Variants in EIF4B observed in about 807,000 individuals in gnomAD.
The protein encoded by EIF4B is eukaryotic translation initiation factor 4B.
A neutral mutation model predicts 79.3 loss-of-function variants in EIF4B; 8 were observed. The ratio of observed to expected loss-of-function variants is 0.10; its 90% CI spans 0.06 to 0.18. The LOEUF (loss-of-function observed/expected upper bound fraction) is 0.18. Ranked by LOEUF, EIF4B falls within the 10% of genes least tolerant of loss-of-function variation. The pLI is 1.00. For synonymous variants in EIF4B, 238 were observed against 274.7 expected, an observed-to-expected ratio of 0.87 and a Z score of 1.32; for missense variants, 515 against 792.4, an observed-to-expected ratio of 0.65 and a Z score of 4.20.
intron 6 of EIF4B, among the ~76,000 whole-genome samples, chr12:53,026,448 A>G (rs771591911): frequency 4.1e-4 from 63 of 152,250 alleles, no homozygotes; most frequent in Non-Finnish European, 1.8e-4. Context: ...CAACATTGCA[A>G]TGAATGTCTT....
intron 1 of EIF4B, among the ~76,000 whole-genome samples, chr12:53,007,057 C>T (rs1291275548): frequency 6.6e-6 from 1 of 152,180 alleles, no homozygotes; most frequent in Admixed American, 6.5e-5. Flanking sequence ...ACGGGCGCGC[C>T]TTCAATGCGT....
chr12:53,020,164 C>T (rs1259606568), intron 4 of EIF4B, 138 bp downstream of exon 4: 2 of 645,140 alleles, frequency 3.1e-6, no homozygotes, highest in Non-Finnish European at 5.1e-6. Context: ...CATTATTTAA[C>T]AGTGTATCAC....
intron 8 of EIF4B, among the ~76,000 whole-genome samples, chr12:53,028,711 G>A (rs1943382667): frequency 6.6e-6 from 1 of 152,130 alleles, no homozygotes; most frequent in African/African-American, 2.4e-5. Flanking sequence ...ATACTGTTAT[G>A]TTGTGATCTC....
chr12:53,007,314 A>G (rs888635495), intron 1 of EIF4B, among the ~76,000 whole-genome samples: 2 of 151,682 alleles, frequency 1.3e-5, no homozygotes, highest in Non-Finnish European at 2.9e-5. Flanking sequence ...TCTCATACTC[A>G]ATTGGAGGCA....
At chr12:53,033,729 A>G (rs1943488543) in intron 8 of EIF4B, 77 bp from the exon 9 acceptor site, 1 of 1,438,008 alleles carries the variant, frequency 7.0e-7, no homozygotes, top group Admixed American at 2.4e-5. Context: ...CATAGGAGTT[A>G]TATCTGAGAA....
At chr12:53,017,305 A>G (rs1943164459) in intron 2 of EIF4B, among the ~76,000 whole-genome samples, 1 of 152,180 alleles carries the variant, frequency 6.6e-6, no homozygotes. Context: ...ATGTTTACTC[A>G]GAGCCAAGGA....
chr12:53,018,701 C>T (rs1235913254), intron 2 of EIF4B, 97 bp from the exon 3 acceptor site: 47 of 1,406,736 alleles, frequency 3.3e-5, no homozygotes, highest in Non-Finnish European at 4.3e-5. Context: ...TCTTGTATAG[C>T]ATGTTTAATA....
Position 53,027,137 on chromosome 12 carries a change from A to AATTTTTTTTT in EIF4B, c.668-645_668-644insATTTTTTTTT, listed in dbSNP as rs1491387300. Among the ~76,000 whole-genome samples the AATTTTTTTTT allele has an allele frequency of 3.0e-3, 76 of 25,758 alleles. 5 individuals are homozygous for AATTTTTTTTT. The East Asian group carries it at 0.056, about 19-fold the overall frequency. 16.9% of individuals were successfully genotyped at this position (25,758 alleles called of 152,430 possible). A position where few individuals can be genotyped will look rare whatever the true frequency, so the allele number is the denominator to read the frequency against. On this transcript the variant is annotated intron_variant, in intron 6 of 14. Coordinates refer to ENST00000262056, the MANE Select transcript of EIF4B (RefSeq NM_001417.7). ...AGACTGTCTCTCAAAAAAAAAAAAA[A>AATTTTTTTTT]TTTTTTTTTTTTTTTTTTTTGAGAC...
At chr12:53,035,795 A>G (rs1002225934) in intron 10 of EIF4B, among the ~76,000 whole-genome samples, 12 of 151,940 alleles carry the variant, frequency 7.9e-5, no homozygotes, top group African/African-American at 2.7e-4. Context: ...TCCCACCTCT[A>G]AATTGATTTG....
chr12:53,012,766 C>T (rs574873918), intron 1 of EIF4B, among the ~76,000 whole-genome samples: 5 of 151,712 alleles, frequency 3.3e-5, no homozygotes, highest in African/African-American at 7.2e-5. Flanking sequence ...CCACCATGCC[C>T]GGCTAATTTT....
At chr12:53,028,369 A>G (rs888820512) in intron 8 of EIF4B, among the ~76,000 whole-genome samples, 181 bp downstream of exon 8, 3 of 152,118 alleles carry the variant, frequency 2.0e-5, no homozygotes, top group African/African-American at 7.2e-5. Context: ...CAAGGTCAGG[A>G]GATCGAGACC....
chr12:53,036,611 A>G (rs2120982236), intron 10 of EIF4B, among the ~76,000 whole-genome samples: 1 of 151,908 alleles, frequency 6.6e-6, no homozygotes, highest in South Asian at 2.1e-4. Flanking sequence ...ATGGGGTCTC[A>G]CTACACTCCC....
intron 6 of EIF4B, among the ~76,000 whole-genome samples, chr12:53,023,666 C>T (rs1775037810): frequency 6.7e-6 from 1 of 148,176 alleles, no homozygotes; most frequent in Non-Finnish European, 1.5e-5. Context: ...TCACCTCAAC[C>T]TCCGCCTCCT....
rs1351595044 is a variant in EIF4B, at chr12:53,026,854, CA to C, written c.668-926del. On this transcript the variant is annotated intron_variant, in intron 6 of 14. Coordinates refer to ENST00000262056, the MANE Select transcript of EIF4B (RefSeq NM_001417.7). Reference sequence around the variant, plus strand: ...CTGAGCTCAGGCAATCCACCAACCTCAACCTCCCAAAGTGTATTTGTACCAT... The same window carrying C: ...CTGAGCTCAGGCAATCCACCAACCTCACCTCCCAAAGTGTATTTGTACCAT... Among the ~76,000 whole-genome samples the C allele has an allele frequency of 3.9e-5, 6 of 152,276 alleles. No individual in the cohort carries two copies. In the South Asian group the frequency reaches 8.3e-4, roughly 21 times the overall value.
At chr12:53,026,974 T>C (rs978417339) in intron 6 of EIF4B, among the ~76,000 whole-genome samples, 1 of 152,004 alleles carries the variant, frequency 6.6e-6, no homozygotes, top group Non-Finnish European at 1.5e-5. Flanking sequence ...ATATATTGTT[T>C]CTCATTTTGT....
rs866869974 is a variant in EIF4B at position 53,037,598 on chromosome 12, A to C, written c.1496A>C (p.Asp499Ala). 3 of 1,613,912 alleles carry C rather than the reference A, an allele frequency of 1.9e-6. No individual in the cohort carries two copies. Among genetic ancestry groups the C allele is most frequent in the Non-Finnish European group, 2.5e-6 (3 of 1,179,882 alleles). Reference sequence around the variant, plus strand: ...CCTCCTGCTCGATCTCAGAGCTCAGACACAGAGCAGCAGTCCCCTACAAGG... The same window carrying C: ...CCTCCTGCTCGATCTCAGAGCTCAGCCACAGAGCAGCAGTCCCCTACAAGG... ...SNPPARSQSS[D>A]TEQQSPTSGG... Residue 499 changes from aspartate (D) to alanine (A), a missense_variant, in exon 11 of 15, where the codon GAC becomes GCC. This residue lies in a region of EIF4B where 146 missense variants were observed against 228.0 expected (regional missense o/e 0.64). Coordinates refer to ENST00000262056, the MANE Select transcript of EIF4B (RefSeq NM_001417.7).
rs537124407 is a variant in EIF4B, at chr12:53,040,131, G to A, written c.1756-12G>A. ...GGGCCTTCATTATCCTGTCACTCTC[G>A]TTGTGTTACAGAAGTTCAGTTCTGC... is the stretch of plus-strand genomic sequence containing the variant. On this transcript the variant is annotated splice_polypyrimidine_tract_variant and intron_variant, in intron 14 of 14. Coordinates refer to ENST00000262056, the MANE Select transcript of EIF4B (RefSeq NM_001417.7). 6.7e-5 allele frequency: 108 copies of A among 1,614,020 alleles called. 1 individual carries two copies. In the South Asian group the frequency reaches 8.8e-4, roughly 13 times the overall value.
intron 1 of EIF4B, chr12:53,014,749 A>G (rs985296605): frequency 1.3e-5 from 2 of 152,234 alleles, no homozygotes; most frequent in Admixed American, 6.5e-5. Context: ...TTCTTGGATT[A>G]AAAATCAGGT....
chr12:53,033,486 G>T (rs1051690978), intron 8 of EIF4B, among the ~76,000 whole-genome samples: 1 of 151,862 alleles, frequency 6.6e-6, no homozygotes, highest in East Asian at 1.9e-4. Context: ...GGGACTACAG[G>T]TGCGCGCCCC....
Sources: allele counts gnomAD v4.1 joint callset (sites outside exome capture counted in the v4.1 genomes callset), GRCh38; gene constraint gnomAD v4.1.1; regional missense constraint gnomAD v4.1.1; transcripts MANE v1.5; gene names NCBI Gene and HGNC (gene_info 2026-07-23, HGNC 2026-07-21).